MSI1: variants seen among roughly 807,000 people sequenced by gnomAD.
MSI1 encodes musashi RNA binding protein 1.
In MSI1, 15 loss-of-function variants were observed where a neutral mutation model predicts 54.4. The observed-to-expected ratio is 0.28, with a 90% confidence interval of 0.18 to 0.42. The LOEUF (loss-of-function observed/expected upper bound fraction) is 0.42, where lower values mean the gene tolerates loss of function less well. MSI1 is among the 20% of genes least tolerant of loss of function. The pLI, the probability that MSI1 is intolerant of heterozygous loss-of-function variation, is 1.00. For missense variants in MSI1, 304 were observed against 506.0 expected (o/e 0.60, Z 3.83); for synonymous variants, 200 against 196.5 (o/e 1.02, Z -0.15).
At chr12:120,346,403 CCCT>C in intron 12 of MSI1, 81 bp from the exon 13 acceptor site, 4 of 1,345,270 alleles carry the variant, frequency 3.0e-6, no homozygotes, top group Non-Finnish European at 3.9e-6. Context: ...GTCCCACCCA[CCCT>C]AACCTGGACC....
chr12:120,367,586 G>T (rs1305820900), intron 4 of MSI1, among the ~76,000 whole-genome samples: 1 of 152,028 alleles, frequency 6.6e-6, no homozygotes, highest in African/African-American at 2.4e-5. Context: ...CTTTGCCATT[G>T]GTCTGGATGA....
intron 14 of MSI1, 76 bp from the exon 15 acceptor site, chr12:120,343,181 T>C (rs1251200630): frequency 6.6e-6 from 1 of 152,066 alleles, no homozygotes; most frequent in African/African-American, 2.4e-5. Flanking sequence ...CAGAAGAGCT[T>C]TGTTCGTAAA....
chr12:120,360,434 T>G (rs1197456508), intron 6 of MSI1, among the ~76,000 whole-genome samples: 1 of 152,170 alleles, frequency 6.6e-6, no homozygotes, highest in Non-Finnish European at 1.5e-5. Context: ...GGCAACAAGG[T>G]CCCTGGAGAA....
chr12:120,365,076 A>G (rs1302463008), intron 4 of MSI1, among the ~76,000 whole-genome samples: 2 of 152,046 alleles, frequency 1.3e-5, no homozygotes, highest in Non-Finnish European at 2.9e-5. Flanking sequence ...ACACCCAGCT[A>G]ATTTTTGTAT....
At chr12:120,364,219 CCA>C (rs1049115747) in intron 5 of MSI1, among the ~76,000 whole-genome samples, 6 of 152,184 alleles carry the variant, frequency 3.9e-5, no homozygotes, top group Non-Finnish European at 5.9e-5. Context: ...GAGAAAGCAG[CCA>C]CAGACATCTA....
At chr12:120,350,943 G>A (rs777030836) in intron 11 of MSI1, among the ~76,000 whole-genome samples, 39 of 152,078 alleles carry the variant, frequency 2.6e-4, no homozygotes, top group African/African-American at 8.2e-4. Flanking sequence ...GTCCCCTCCC[G>A]GCAAGAGTCA....
At chr12:120,365,493 C>T (rs910442115) in intron 4 of MSI1, among the ~76,000 whole-genome samples, 4 of 152,182 alleles carry the variant, frequency 2.6e-5, no homozygotes, top group Non-Finnish European at 4.4e-5. Flanking sequence ...AATCGAGGGC[C>T]TTCCTTGCGT....
intron 11 of MSI1, among the ~76,000 whole-genome samples, chr12:120,350,297 G>T (rs1874484107): frequency 6.6e-6 from 1 of 152,164 alleles, no homozygotes; most frequent in South Asian, 2.1e-4. Flanking sequence ...AGAGTGCTGG[G>T]ATTATAGGCG....
chr12:120,344,955 C>A (rs1319884569), intron 14 of MSI1, among the ~76,000 whole-genome samples: 1 of 147,824 alleles, frequency 6.8e-6, no homozygotes, highest in East Asian at 2.1e-4. Flanking sequence ...GACGAGTTTG[C>A]AGTGAGCCAA....
At chr12:120,349,537 T>G (rs573353608) in intron 11 of MSI1, among the ~76,000 whole-genome samples, 1 of 152,244 alleles carries the variant, frequency 6.6e-6, no homozygotes, top group South Asian at 2.1e-4. Flanking sequence ...CCCGGCCTGT[T>G]TACTTGTTTA....
At chr12:120,340,505 CCT>C (rs953855198), downstream of MSI1, among the ~76,000 whole-genome samples, 8 of 151,756 alleles carry the variant, frequency 5.3e-5, no homozygotes, top group South Asian at 4.2e-4. Context: ...TTCATTTCTC[CCT>C]CTCTCTCTCT....
In MSI1 at chr12:120,368,298, A is replaced by G. The variant is rs1264825389; in HGVS notation, c.101-25T>C. ...TCTGTAACCACACACCCGCCTTCGG[A>G]CCAGCCCGGGCCCCGCGCCCTTCCC... On this transcript the variant is annotated intron_variant, in intron 2 of 14. Coordinates refer to ENST00000257552, the MANE Select transcript of MSI1 (RefSeq NM_002442.4). The surrounding 1 kb of genome is among the most constrained non-coding windows in gnomAD (Gnocchi z 6.6). 6.5e-7 allele frequency: 1 copy of G among 1,547,010 alleles called. No individual in the cohort carries two copies. Among genetic ancestry groups the G allele is most frequent in the South Asian group, 1.2e-5 (1 of 84,006 alleles).
At chr12:120,360,989 T>A (rs1875585911) in intron 6 of MSI1, among the ~76,000 whole-genome samples, 1 of 152,122 alleles carries the variant, frequency 6.6e-6, no homozygotes, top group Non-Finnish European at 1.5e-5. Flanking sequence ...CATGTAACAC[T>A]CTTAACTCAC....
chr12:120,347,780 T>C (rs1162379935), intron 11 of MSI1, among the ~76,000 whole-genome samples: 1 of 152,084 alleles, frequency 6.6e-6, no homozygotes, highest in Non-Finnish European at 1.5e-5. Context: ...GGGACATGCT[T>C]GAATAACCCA....
chr12:120,348,044 C>T (rs541288168), intron 11 of MSI1, among the ~76,000 whole-genome samples: 5 of 152,252 alleles, frequency 3.3e-5, no homozygotes, highest in South Asian at 2.1e-4. Flanking sequence ...GAGGCCATAG[C>T]GTTGCACCGC....
chr12:120,341,458 T>TA lies in MSI1; in HGVS notation c.*1668dup, dbSNP rs539881222. The TA allele has an allele frequency of 4.6e-3, 646 of 140,444 alleles. 7 individuals carry two copies. Among genetic ancestry groups the TA allele is most frequent in the South Asian group, 0.036 (161 of 4,462 alleles). 8.7% of individuals were successfully genotyped at this position (140,444 alleles called of 1,614,324 possible). ...GGCTTCGAAACACCATGTAACATCT[T>TA]AAAAAAAAAAAAAATCCCAAAGCAA... On this transcript the variant is annotated 3_prime_UTR_variant, in exon 15 of 15. Transcript: ENST00000257552.
chr12:120,354,763 C>G (rs1281990617), intron 9 of MSI1, among the ~76,000 whole-genome samples: 1 of 152,128 alleles, frequency 6.6e-6, no homozygotes, highest in East Asian at 1.9e-4. Context: ...AGGGTGAAAA[C>G]AGCTCATGAA....
Position 120,353,219 on chromosome 12 carries a change from C to T in MSI1, c.733+80G>A, listed in dbSNP as rs1361638582. 5 of 1,401,714 alleles carry T rather than the reference C, an allele frequency of 3.6e-6. No homozygotes were observed. In the Admixed American group the frequency reaches 8.4e-5, roughly 24 times the overall value. 86.8% of individuals were successfully genotyped at this position (1,401,714 alleles called of 1,614,324 possible). ...GCAAGCAGACCCCCAGCCATGCACCCCTAGACACCACCCTGAGAAGTCAGA... is the reference window on the plus strand; with the variant it reads ...GCAAGCAGACCCCCAGCCATGCACCTCTAGACACCACCCTGAGAAGTCAGA... On this transcript the variant is annotated intron_variant, in intron 10 of 14. Transcript: ENST00000257552.
Position 120,356,965 on chromosome 12 carries a change from G to T in MSI1, c.589C>A (p.Arg197=). The T allele has an allele frequency of 6.2e-7, 1 of 1,614,230 alleles. No individual in the cohort carries two copies. Among genetic ancestry groups the T allele is most frequent in the South Asian group, 1.1e-5 (1 of 91,086 alleles). The change falls in exon 9 of 15, where the codon CGG becomes AGG. Residue 197 remains arginine, a synonymous_variant. Transcript: ENST00000257552. ...TAGGGCATGACTCGAGACCTCCCCC[G>T]GGCTGAGCCCGTTGGCGACATCACC... ...KEVMSPTGSA[R]GRSRVMPYGM...
Sources: gnomAD v4.1 joint callset for allele counts (sites outside exome capture counted in the v4.1 genomes callset) on GRCh38, gnomAD v4.1.1 for gene constraint, Gnocchi (gnomAD v3.1) non-coding constraint, MANE v1.5 for transcripts, NCBI Gene and HGNC (gene_info 2026-07-23, HGNC 2026-07-21) for gene names.